The following FOXO1 variants were observed in gnomAD, a reference collection of about 807,000 sequenced individuals.
FOXO1 encodes forkhead box O1.
In FOXO1, 6 loss-of-function variants were observed where a neutral mutation model predicts 44.1. That is an observed-to-expected ratio of 0.14 (90% CI 0.07 to 0.27). The LOEUF (loss-of-function observed/expected upper bound fraction) is 0.27. Ranked by LOEUF, FOXO1 falls within the 10% of genes least tolerant of loss-of-function variation. The probability of loss-of-function intolerance (pLI) is 1.00; values close to 1 mark genes in which losing one functional copy is unlikely to be tolerated. For missense variants in FOXO1, 737 were observed against 888.8 expected, an observed-to-expected ratio of 0.83 and a Z score of 2.17; for synonymous variants, 380 against 362.7, an observed-to-expected ratio of 1.05 and a Z score of -0.54.
At chr13:40,628,273 A>G (rs1052268620) in intron 1 of FOXO1, among the ~76,000 whole-genome samples, 6 of 151,972 alleles carry the variant, frequency 3.9e-5, no homozygotes, top group African/African-American at 1.5e-4. Context: ...ATGTTTCACA[A>G]GCATACCCAT....
intron 1 of FOXO1, among the ~76,000 whole-genome samples, chr13:40,599,715 C>T (rs1165815362): frequency 3.3e-5 from 5 of 152,106 alleles, no homozygotes; most frequent in South Asian, 2.1e-4. Context: ...GCCCCTCCTC[C>T]GGCCTCGGAG....
chr13:40,566,039 T>C (rs575733071), intron 1 of FOXO1, among the ~76,000 whole-genome samples: 24 of 152,342 alleles, frequency 1.6e-4, no homozygotes, highest in African/African-American at 4.6e-4. Flanking sequence ...CCAATGTCAC[T>C]AGAATATTTA....
chr13:40,659,464 A>AT (rs781449389), intron 1 of FOXO1, among the ~76,000 whole-genome samples: 246 of 146,728 alleles, frequency 1.7e-3, no homozygotes, highest in African/African-American at 2.7e-3. Context: ...CTCTCCCTTG[A>AT]TTTTTTTTTT....
At chr13:40,579,447 C>T (rs1325508956) in intron 1 of FOXO1, among the ~76,000 whole-genome samples, 2 of 152,208 alleles carry the variant, frequency 1.3e-5, no homozygotes, top group African/African-American at 4.8e-5. Context: ...TTCAGAAATA[C>T]ACAGGCAGAG....
chr13:40,620,630 G>GCAGC (rs1030836468), intron 1 of FOXO1: 4 of 403,022 alleles, frequency 9.9e-6, no homozygotes, highest in African/African-American at 8.4e-5. Context: ...GTTACTGACA[G>GCAGC]CAGCCAGCAC....
chr13:40,620,433 C>A, intron 1 of FOXO1: 1 of 653,508 alleles, frequency 1.5e-6, no homozygotes. Context: ...TGAGAACGAG[C>A]TTGTTGAGCC....
intron 1 of FOXO1, among the ~76,000 whole-genome samples, chr13:40,662,873 C>A (rs1878081083): frequency 6.6e-6 from 1 of 152,188 alleles, no homozygotes; most frequent in South Asian, 2.1e-4. Context: ...AGTAAAATTT[C>A]TCTTTTATGA....
At chr13:40,562,121 ATTT>A (rs1038808966) in intron 1 of FOXO1, among the ~76,000 whole-genome samples, 1 of 151,608 alleles carries the variant, frequency 6.6e-6, no homozygotes, top group Non-Finnish European at 1.5e-5. Flanking sequence ...GCCAAAAGAA[ATTT>A]TTTTTTAATT....
At chr13:40,610,453 C>A (rs562746422) in intron 1 of FOXO1, among the ~76,000 whole-genome samples, 1 of 152,090 alleles carries the variant, frequency 6.6e-6, no homozygotes, top group African/African-American at 2.4e-5. Flanking sequence ...CTAGGCCCAG[C>A]GTCCAAGTTT....
chr13:40,619,214 A>G (rs943468102), intron 1 of FOXO1: 1 of 360,668 alleles, frequency 2.8e-6, no homozygotes, highest in African/African-American at 2.1e-5. Flanking sequence ...GAATCGCTTG[A>G]ATCTGGGAGG....
At chr13:40,640,217 T>C (rs1337374032) in intron 1 of FOXO1, among the ~76,000 whole-genome samples, 1 of 152,162 alleles carries the variant, frequency 6.6e-6, no homozygotes, top group Non-Finnish European at 1.5e-5. Flanking sequence ...CATGCAAGCA[T>C]CATATGTAAA....
intron 1 of FOXO1, among the ~76,000 whole-genome samples, chr13:40,572,260 G>A (rs577330943): frequency 6.6e-6 from 1 of 152,190 alleles, no homozygotes; most frequent in South Asian, 2.1e-4. Flanking sequence ...GGAAAATCTA[G>A]GGAAGAATTT....
chr13:40,585,056 C>G (rs1198755351), intron 1 of FOXO1, among the ~76,000 whole-genome samples: 1 of 152,048 alleles, frequency 6.6e-6, no homozygotes, highest in Non-Finnish European at 1.5e-5. Context: ...ATATGACAGG[C>G]AAGTATGAGA....
chr13:40,625,027 G>A (rs1876742396), intron 1 of FOXO1, among the ~76,000 whole-genome samples: 1 of 152,204 alleles, frequency 6.6e-6, no homozygotes, highest in African/African-American at 2.4e-5. Context: ...TTGGATAAAT[G>A]TAAGTCAGTA....
chr13:40,580,782 T>C (rs572321681), intron 1 of FOXO1, among the ~76,000 whole-genome samples: 3 of 152,276 alleles, frequency 2.0e-5, no homozygotes, highest in African/African-American at 4.8e-5. Context: ...CTATTAGCAG[T>C]AGCAACAAAA....
At chr13:40,616,909 C>T (rs1460789495) in intron 1 of FOXO1, among the ~76,000 whole-genome samples, 1 of 152,134 alleles carries the variant, frequency 6.6e-6, no homozygotes, top group African/African-American at 2.4e-5. Flanking sequence ...AACTCACTTC[C>T]AGTGAGCTTC....
Position 40,595,895 on chromosome 13 carries a change from C to A in FOXO1, c.631-35035G>T, listed in dbSNP as rs145190258. 1.7e-3 allele frequency among the ~76,000 whole-genome samples: 255 copies of A among 149,690 alleles called. 1 individual carries two copies. Among genetic ancestry groups the A allele is most frequent in the African/African-American group, 6.1e-3 (247 of 40,634 alleles). ...GCTACAAACAGTGACATGTGAGTCT[C>A]TTTCCCTCTGGTTAGTCGTAGGCCC... On this transcript the variant is annotated intron_variant, in intron 1 of 2. Coordinates refer to ENST00000379561, the MANE Select transcript of FOXO1 (RefSeq NM_002015.4).
In FOXO1 at chr13:40,666,237, C is replaced by T. The variant is rs1377667729; in HGVS notation, c.-25G>A. 2.9e-6 allele frequency: 4 copies of T among 1,375,694 alleles called. No individual in the cohort carries two copies. The highest frequency in any genetic ancestry group is 3.8e-6 in the Non-Finnish European group (4 of 1,065,030). 85.2% of individuals were successfully genotyped at this position (1,375,694 alleles called of 1,614,324 possible). On this transcript the variant is annotated 5_prime_UTR_variant, in exon 1 of 3. Transcript: ENST00000379561. The stretch of plus-strand genomic sequence containing the variant: ...TGGTGACCCCCGCCCCTCCCCCAGC[C>T]GCAGGAGAGCCAAGAGGGGGAGAAC...
chr13:40,572,628 A>G (rs1484550661), intron 1 of FOXO1, among the ~76,000 whole-genome samples: 1 of 152,194 alleles, frequency 6.6e-6, no homozygotes. Flanking sequence ...TACCACCCAA[A>G]TATTATTCAA....
Sources: allele counts gnomAD v4.1 joint callset (sites outside exome capture counted in the v4.1 genomes callset), GRCh38; gene constraint gnomAD v4.1.1; transcripts MANE v1.5; gene names NCBI Gene and HGNC (gene_info 2026-07-23, HGNC 2026-07-21).